INTS6: variants seen among roughly 807,000 people sequenced by gnomAD.
The protein encoded by INTS6 is integrator complex subunit 6, also known as DEAD box protein.
A neutral mutation model predicts 104.9 loss-of-function variants in INTS6; 16 were observed. The ratio of observed to expected loss-of-function variants is 0.15; its 90% confidence interval spans 0.10 to 0.23. The LOEUF (loss-of-function observed/expected upper bound fraction) is 0.23. INTS6 is among the 10% of genes least tolerant of loss of function. The pLI is 1.00. For synonymous variants in INTS6, 324 were observed against 358.7 expected (o/e 0.90, Z 1.09); for missense variants, 584 against 1,062.8 (o/e 0.55, Z 6.26).
At chr13:51,432,767 A>G (rs190880657) in intron 3 of INTS6, among the ~76,000 whole-genome samples, 59 of 152,348 alleles carry the variant, frequency 3.9e-4, no homozygotes, top group African/African-American at 1.4e-3. Flanking sequence ...GAGTATAAAA[A>G]GGAGCACTAT....
intron 6 of INTS6, among the ~76,000 whole-genome samples, chr13:51,389,038 C>CA (rs1331620500): frequency 6.6e-6 from 1 of 152,170 alleles, no homozygotes; most frequent in Non-Finnish European, 1.5e-5. Context: ...TATAATACTA[C>CA]AAAGAAATTA....
chr13:51,347,405 T>C, the INTS6 span, among the ~76,000 whole-genome samples: 1 of 152,100 alleles, frequency 6.6e-6, no homozygotes, highest in Non-Finnish European at 1.5e-5. Context: ...CCGGAGACTT[T>C]AGAGAGGAGT....
intron 4 of INTS6, among the ~76,000 whole-genome samples, chr13:51,421,921 A>T (rs1053126897): frequency 1.3e-5 from 2 of 152,184 alleles, no homozygotes; most frequent in African/African-American, 4.8e-5. Flanking sequence ...TGAAATAAGC[A>T]ATTTTAAATG....
chr13:51,387,664 C>T, intron 6 of INTS6, 124 bp from the exon 7 acceptor site: 1 of 747,218 alleles, frequency 1.3e-6, no homozygotes, highest in East Asian at 3.0e-5. Context: ...TCCAGGTTTT[C>T]CTATTTTTCT....
At chr13:51,392,871 T>C (rs1386410436) in intron 5 of INTS6, among the ~76,000 whole-genome samples, 1 of 152,116 alleles carries the variant, frequency 6.6e-6, no homozygotes, top group Non-Finnish European at 1.5e-5. Flanking sequence ...TTATTTGGCA[T>C]AGAGTGGGCA....
At chr13:51,391,381 T>C (rs1293535927) in intron 5 of INTS6, among the ~76,000 whole-genome samples, 3 of 152,170 alleles carry the variant, frequency 2.0e-5, no homozygotes, top group Non-Finnish European at 4.4e-5. Flanking sequence ...TACTAATCAG[T>C]ATATTTTACA....
intron 4 of INTS6, among the ~76,000 whole-genome samples, chr13:51,413,269 G>C (rs992834069): frequency 6.6e-6 from 1 of 152,108 alleles, no homozygotes; most frequent in Non-Finnish European, 1.5e-5. Flanking sequence ...CACAGCCTCT[G>C]CTGGGTCCCT....
intron 12 of INTS6, among the ~76,000 whole-genome samples, chr13:51,376,924 T>C (rs1412282045): frequency 3.3e-5 from 5 of 152,206 alleles, no homozygotes; most frequent in African/African-American, 4.8e-5. Flanking sequence ...CATGTTGGCA[T>C]GCTAAGCCTA....
At chr13:51,339,388 T>C in the INTS6 span, 1 of 152,254 alleles carries the variant, frequency 6.6e-6, no homozygotes, top group East Asian at 1.9e-4. Flanking sequence ...TTCCTCAATG[T>C]GACAAAGGGC....
intron 3 of INTS6, 104 bp downstream of exon 3, chr13:51,450,921 G>T: frequency 1.5e-6 from 2 of 1,350,760 alleles, no homozygotes; most frequent in Non-Finnish European, 1.9e-6. Context: ...TTTTAATTTG[G>T]AATGTTTTAT....
the INTS6 span, among the ~76,000 whole-genome samples, chr13:51,342,631 T>A: frequency 1.3e-5 from 2 of 152,180 alleles, no homozygotes; most frequent in Admixed American, 1.3e-4. Flanking sequence ...ACTCTACTAT[T>A]TTAATGTTTC....
intron 4 of INTS6, among the ~76,000 whole-genome samples, chr13:51,396,077 G>T (rs1372345431): frequency 6.6e-6 from 1 of 151,988 alleles, no homozygotes; most frequent in Non-Finnish European, 1.5e-5. Flanking sequence ...GATTACAGGT[G>T]TGAGCCACCA....
chr13:51,388,308 T>C lies in INTS6; in HGVS notation c.740-768A>G, dbSNP rs2137939834. 1.3e-5 allele frequency among the ~76,000 whole-genome samples: 2 copies of C among 152,226 alleles called. 1 individual carries two copies. The highest frequency in any genetic ancestry group is 4.1e-4 in the South Asian group (2 of 4,822). ...TTTCTCTTCTCCCAGGTACCTACTT[T>C]AGTGGACCACCTCTGCCAATTATCA... On this transcript the variant is annotated intron_variant, in intron 6 of 17. Transcript: ENST00000311234.
downstream of INTS6, among the ~76,000 whole-genome samples, chr13:51,357,288 C>G (rs1955494767): frequency 6.6e-6 from 1 of 152,172 alleles, no homozygotes; most frequent in Admixed American, 6.6e-5. Context: ...CAAATCTCTC[C>G]AACAAATAGT....
chr13:51,415,653 CCT>C (rs34526129), intron 4 of INTS6, among the ~76,000 whole-genome samples: 58,999 of 151,916 alleles, frequency 0.39, 11,614 homozygotes, highest in East Asian at 0.53. Flanking sequence ...GTCCATTAAA[CCT>C]CTTTCTTTTA....
chr13:51,351,634 G>A (rs80265728), downstream of INTS6, among the ~76,000 whole-genome samples: 3,181 of 152,072 alleles, frequency 0.021, 53 homozygotes, highest in African/African-American at 0.05. Flanking sequence ...TGTTAATTTG[G>A]ATGAAGCTCA....
At chr13:51,406,418 C>T (rs949281677) in intron 4 of INTS6, among the ~76,000 whole-genome samples, 5 of 98,270 alleles carry the variant, frequency 5.1e-5, no homozygotes, top group African/African-American at 1.4e-4. Context: ...CATCATTTAT[C>T]GAATAATGGA....
rs559685254 is a variant in INTS6 at position 51,362,686 on chromosome 13, C to A, written c.*3066G>T. 1 of 152,244 alleles carries A rather than the reference C, an allele frequency of 6.6e-6. No individual in the cohort carries two copies. Among genetic ancestry groups the A allele is most frequent in the Non-Finnish European group, 1.5e-5 (1 of 67,874 alleles). The allele number at this position is 152,244 out of a possible 1,614,324, so 9.4% of individuals were successfully genotyped here. On this transcript the variant is annotated 3_prime_UTR_variant, in exon 18 of 18. Transcript: ENST00000311234. Reference sequence around the variant, plus strand: ...TACTTTAACTAAACATCAGGCATTACTTTTATTTATGGAGAAAAATGTCAA... The same window carrying A: ...TACTTTAACTAAACATCAGGCATTAATTTTATTTATGGAGAAAAATGTCAA...
At chr13:51,342,637 G>A in the INTS6 span, among the ~76,000 whole-genome samples, 2 of 152,178 alleles carry the variant, frequency 1.3e-5, no homozygotes, top group Non-Finnish European at 1.5e-5. Context: ...CTATTTTAAT[G>A]TTTCTGACTA....
Sources: gnomAD v4.1 joint callset for allele counts (sites outside exome capture counted in the v4.1 genomes callset) on GRCh38, gnomAD v4.1.1 for gene constraint, MANE v1.5 for transcripts, NCBI Gene and HGNC (gene_info 2026-07-23, HGNC 2026-07-21) for gene names.